The following CNTN4 variants were observed in gnomAD, a reference collection of about 807,000 sequenced individuals.
CNTN4 encodes the protein contactin 4.
A neutral mutation model predicts 122.5 loss-of-function variants in CNTN4; 77 were observed. The observed-to-expected ratio is 0.63, with a 90% confidence interval of 0.52 to 0.76. CNTN4 has a LOEUF of 0.76. Among genes scored for constraint, CNTN4 ranks in the 30% least tolerant of loss-of-function variants. The probability of loss-of-function intolerance (pLI) is 0.00; values close to 1 mark genes in which losing one functional copy is unlikely to be tolerated. For missense variants in CNTN4, 1,256 were observed against 1,259.1 expected (o/e 1.00, Z 0.04); for synonymous variants, 512 against 447.0 (o/e 1.15, Z -1.83).
chr3:2,614,865 A>T (rs2081646653), intron 4 of CNTN4, among the ~76,000 whole-genome samples: 1 of 152,108 alleles, frequency 6.6e-6, no homozygotes, highest in African/African-American at 2.4e-5. Flanking sequence ...ATAAAAAAGC[A>T]AAGAAGTGCC....
chr3:2,667,043 A>G (rs543170238), intron 4 of CNTN4, among the ~76,000 whole-genome samples: 2 of 152,242 alleles, frequency 1.3e-5, no homozygotes, highest in African/African-American at 2.4e-5. Flanking sequence ...TCATGTCTCA[A>G]TAAACATATG....
intron 4 of CNTN4, among the ~76,000 whole-genome samples, chr3:2,624,077 C>T (rs2082090217): frequency 6.6e-6 from 1 of 152,146 alleles, no homozygotes; most frequent in South Asian, 2.1e-4. Flanking sequence ...CCATTCACTA[C>T]TTTGAAATTT....
intron 13 of CNTN4, 51 bp downstream of exon 13, chr3:2,925,830 G>C (rs1559675889): frequency 6.7e-7 from 1 of 1,502,328 alleles, no homozygotes; most frequent in South Asian, 1.1e-5. Flanking sequence ...AAAATGTGTT[G>C]GTCTGTTATT....
chr3:2,147,040 C>A (rs750688946), intron 2 of CNTN4, among the ~76,000 whole-genome samples: 5 of 151,982 alleles, frequency 3.3e-5, no homozygotes, highest in Non-Finnish European at 5.9e-5. Flanking sequence ...ACCACCATGC[C>A]CAGCTAATTT....
At chr3:2,230,216 G>T (rs1420038449) in intron 2 of CNTN4, among the ~76,000 whole-genome samples, 4 of 152,184 alleles carry the variant, frequency 2.6e-5, no homozygotes, top group Non-Finnish European at 5.9e-5. Flanking sequence ...TGGATGGGTT[G>T]CCAACGATCA....
intron 3 of CNTN4, among the ~76,000 whole-genome samples, chr3:2,455,640 T>C (rs1390600859): frequency 4.6e-5 from 7 of 152,052 alleles, no homozygotes; most frequent in Non-Finnish European, 1.0e-4. Context: ...GAAGGGCGCC[T>C]CCAAAAAATA....
intron 13 of CNTN4, among the ~76,000 whole-genome samples, chr3:2,976,141 C>T (rs1245192890): frequency 6.6e-6 from 1 of 152,082 alleles, no homozygotes. Context: ...TTTACCAGCC[C>T]AAGAAAAGCA....
intron 13 of CNTN4, among the ~76,000 whole-genome samples, chr3:2,972,232 A>G (rs1350197419): frequency 6.6e-6 from 1 of 152,122 alleles, no homozygotes; most frequent in Non-Finnish European, 1.5e-5. Flanking sequence ...TATTAACATC[A>G]TTTTCTTATA....
chr3:3,007,459 T>C (rs1696771599), intron 14 of CNTN4, among the ~76,000 whole-genome samples: 1 of 152,252 alleles, frequency 6.6e-6, no homozygotes, highest in African/African-American at 2.4e-5. Context: ...TTTTAATCAA[T>C]AGCCTACAAA....
At chr3:2,202,387 A>G (rs996566996) in intron 2 of CNTN4, among the ~76,000 whole-genome samples, 2 of 152,188 alleles carry the variant, frequency 1.3e-5, no homozygotes, top group East Asian at 1.9e-4. Flanking sequence ...TTTCAGCCTC[A>G]TTACTAACTA....
intron 2 of CNTN4, among the ~76,000 whole-genome samples, chr3:2,210,436 A>G (rs970737215): frequency 1.3e-5 from 2 of 152,094 alleles, no homozygotes; most frequent in Admixed American, 6.6e-5. Flanking sequence ...TAAATCACCA[A>G]GTTAGCTTCC....
At chr3:2,262,796 T>TACA (rs2040887925) in intron 2 of CNTN4, among the ~76,000 whole-genome samples, 1 of 152,110 alleles carries the variant, frequency 6.6e-6, no homozygotes, top group East Asian at 1.9e-4. Flanking sequence ...TTAAATGAGA[T>TACA]ACAACTATAT....
intron 2 of CNTN4, among the ~76,000 whole-genome samples, chr3:2,216,587 T>C (rs950057287): frequency 2.6e-5 from 4 of 152,120 alleles, no homozygotes; most frequent in Non-Finnish European, 5.9e-5. Context: ...ACACCTAGAA[T>C]GAGTAATTAC....
At chr3:2,573,519 G>A (rs7652164) in intron 4 of CNTN4, among the ~76,000 whole-genome samples, 2 of 152,138 alleles carry the variant, frequency 1.3e-5, no homozygotes, top group African/African-American at 2.4e-5. Flanking sequence ...TGGTATAAAC[G>A]TACTCTTTAA....
At chr3:2,949,094 C>G (rs965349979) in intron 13 of CNTN4, among the ~76,000 whole-genome samples, 8 of 152,134 alleles carry the variant, frequency 5.3e-5, no homozygotes, top group Non-Finnish European at 1.0e-4. Flanking sequence ...ATCACACCGG[C>G]TTTGCAGATC....
intron 7 of CNTN4, among the ~76,000 whole-genome samples, chr3:2,859,063 C>G (rs1434603401): frequency 6.6e-6 from 1 of 152,222 alleles, no homozygotes; most frequent in Non-Finnish European, 1.5e-5. Flanking sequence ...TCCAACCTCC[C>G]TGCTCCCCAG....
intron 3 of CNTN4, among the ~76,000 whole-genome samples, chr3:2,368,279 G>A (rs1028212948): frequency 1.3e-5 from 2 of 151,794 alleles, no homozygotes; most frequent in African/African-American, 4.8e-5. Flanking sequence ...TGATCCGCCC[G>A]CCTCGGCCTC....
At chr3:2,146,406 A>G (rs1471029427) in intron 2 of CNTN4, among the ~76,000 whole-genome samples, 1 of 152,170 alleles carries the variant, frequency 6.6e-6, no homozygotes, top group South Asian at 2.1e-4. Flanking sequence ...TGCATATAGT[A>G]TCTATGTAGT....
chr3:2,707,063 G>T (rs939766223), intron 4 of CNTN4, among the ~76,000 whole-genome samples: 1 of 152,010 alleles, frequency 6.6e-6, no homozygotes. Flanking sequence ...ACTTTAGGAG[G>T]CCGAGGCAGG....
Sources: gnomAD v4.1 joint callset for allele counts (sites outside exome capture counted in the v4.1 genomes callset) on GRCh38, gnomAD v4.1.1 for gene constraint, MANE v1.5 for transcripts, NCBI Gene and HGNC (gene_info 2026-07-23, HGNC 2026-07-21) for gene names.